BFAR: variants seen among roughly 807,000 people sequenced by gnomAD.
The protein encoded by BFAR is RING finger protein 47.
A neutral mutation model predicts 54.4 loss-of-function variants in BFAR; 52 were observed. The observed-to-expected ratio is 0.96, with a 90% CI of 0.77 to 1.21. BFAR has a LOEUF of 1.21. Among genes scored for constraint, BFAR ranks in the 50% most tolerant of loss-of-function variants. The pLI, the probability that BFAR is intolerant of heterozygous loss-of-function variation, is 0.00. For missense variants in BFAR, 571 were observed against 534.0 expected (o/e 1.07, Z -0.68); for synonymous variants, 215 against 204.3 (o/e 1.05, Z -0.45).
At position 14,649,874 on chromosome 16, in the gene BFAR, C is replaced by G; in HGVS notation, c.539C>G (p.Ala180Gly). 1 of 1,613,354 alleles carries G rather than the reference C, an allele frequency of 6.2e-7. No individual in the cohort carries two copies. The highest frequency in any genetic ancestry group is 8.5e-7 in the Non-Finnish European group (1 of 1,179,604). The change falls in exon 4 of 8, where the codon GCC becomes GGC. Residue 180 changes from alanine (A) to glycine (G), a missense_variant. Ala to Gly is a moderately conservative substitution (Grantham distance 60, BLOSUM62 0). Coordinates refer to ENST00000261658, the MANE Select transcript of BFAR (RefSeq NM_016561.3). ...EHDLLVHKAVAKWTAEEVVLW... is the reference protein window; with the variant it reads ...EHDLLVHKAVGKWTAEEVVLW... Reference sequence around the variant, plus strand: ...GACCTCCTGGTCCACAAGGCTGTGGCCAAATGGACGGCGGAAGAAGTTGTC... The same window carrying G: ...GACCTCCTGGTCCACAAGGCTGTGGGCAAATGGACGGCGGAAGAAGTTGTC...
At chr16:14,649,216 C>T (rs1039194037) in intron 3 of BFAR, among the ~76,000 whole-genome samples, 3 of 151,840 alleles carry the variant, frequency 2.0e-5, no homozygotes, top group African/African-American at 7.3e-5. Flanking sequence ...GCTGGGATTA[C>T]AGGCATGCGC....
At chr16:14,651,693 T>TG (rs1185273534) in intron 4 of BFAR, among the ~76,000 whole-genome samples, 1 of 151,904 alleles carries the variant, frequency 6.6e-6, no homozygotes, top group South Asian at 2.1e-4. Context: ...TCGCCCAGTC[T>TG]GATCTTGAAC....
chr16:14,634,964 C>T (rs1959386671), intron 1 of BFAR, among the ~76,000 whole-genome samples: 3 of 152,150 alleles, frequency 2.0e-5, no homozygotes, highest in Non-Finnish European at 4.4e-5. Context: ...TGATTTGGGT[C>T]TTTCCAGTTG....
chr16:14,661,390 A>ATTTTTT (rs1960282338), intron 5 of BFAR, among the ~76,000 whole-genome samples: 1 of 91,824 alleles, frequency 1.1e-5, no homozygotes. Flanking sequence ...TAGAGATTGG[A>ATTTTTT]TCTTTTTTTT....
At position 14,660,834 on chromosome 16, in the gene BFAR, G is replaced by T. The variant is rs1960268093; in HGVS notation, c.784-1058G>T. Among the ~76,000 whole-genome samples, 16 of 151,962 alleles carry T rather than the reference G, an allele frequency of 1.1e-4. No homozygotes were observed. The South Asian group carries it at 2.9e-3, about 28-fold the overall frequency. On this transcript the variant is annotated intron_variant, in intron 5 of 7. Coordinates refer to ENST00000261658, the MANE Select transcript of BFAR (RefSeq NM_016561.3). ...GAGAATTGCTTGAACCTGGGAGGTA[G>T]ACGTTGCAGTGAGCCAAAAATGCAC... is the stretch of plus-strand genomic sequence containing the variant.
At chr16:14,667,424 T>A (rs1960471468) in intron 7 of BFAR, 1 of 525,034 alleles carries the variant, frequency 1.9e-6, no homozygotes, top group South Asian at 3.5e-5. Context: ...TTGCCCAGTG[T>A]GGGGGCAAAG....
At chr16:14,645,901 C>T (rs1470972055) in intron 2 of BFAR, among the ~76,000 whole-genome samples, 1 of 152,158 alleles carries the variant, frequency 6.6e-6, no homozygotes, top group Non-Finnish European at 1.5e-5. Context: ...CAAAGTCTCA[C>T]TCTGTCGCTC....
rs547351837 is a variant in BFAR, at chr16:14,661,386, T to C, written c.784-506T>C. 2.7e-5 allele frequency among the ~76,000 whole-genome samples: 4 copies of C among 146,716 alleles called. No individual in the cohort carries two copies. The Admixed American group carries it at 2.9e-4, about 10-fold the overall frequency. ...CCCTCCCCCCAGCTAGAGCTAGAGA[T>C]TGGATCTTTTTTTTTTTTTTTTTTT... On this transcript the variant is annotated intron_variant, in intron 5 of 7. Coordinates refer to ENST00000261658, the MANE Select transcript of BFAR (RefSeq NM_016561.3).
chr16:14,645,953 C>G (rs1959781879), intron 2 of BFAR, among the ~76,000 whole-genome samples: 1 of 152,210 alleles, frequency 6.6e-6, no homozygotes. Context: ...ACTGCAACCT[C>G]CACCTCCTAG....
rs761682800 is a variant in BFAR at position 14,661,984 on chromosome 16, C to T, written c.876C>T (p.Thr292=). The change falls in exon 6 of 8, where the codon ACC becomes ACT. Residue 292 remains threonine, a synonymous_variant. Transcript: ENST00000261658. ...SLLYLYLFDY[T]DTFLPFIHTI... ...TCTACCTGTACCTGTTTGACTACAC[C>T]GACACCTTCCTACCTTTCATCCACA... is the stretch of plus-strand genomic sequence containing the variant. 3.7e-6 allele frequency: 6 copies of T among 1,614,158 alleles called. No individual in the cohort carries two copies. The highest frequency in any genetic ancestry group is 1.3e-5 in the African/African-American group (1 of 75,042).
intron 4 of BFAR, chr16:14,650,702 A>T (rs1288699066): frequency 6.6e-6 from 1 of 152,138 alleles, no homozygotes; most frequent in Non-Finnish European, 1.5e-5. Context: ...TAATAATTCT[A>T]CTGTAAGAGT....
chr16:14,634,385 C>T (rs1433651845), intron 1 of BFAR, among the ~76,000 whole-genome samples: 1 of 152,154 alleles, frequency 6.6e-6, no homozygotes, highest in Non-Finnish European at 1.5e-5. Flanking sequence ...CAGGGCAGTT[C>T]TTTTTGTTTG....
chr16:14,641,795 G>A (rs1959636297), intron 1 of BFAR, among the ~76,000 whole-genome samples: 1 of 152,154 alleles, frequency 6.6e-6, no homozygotes, highest in African/African-American at 2.4e-5. Context: ...CCAGGAGGTG[G>A]AGATTGCAGT....
At chr16:14,661,511 C>G (rs1236872231) in intron 5 of BFAR, among the ~76,000 whole-genome samples, 2 of 145,720 alleles carry the variant, frequency 1.4e-5, no homozygotes, top group African/African-American at 5.0e-5. Flanking sequence ...AAGCGATTCT[C>G]CAGCCTCAGC....
intron 5 of BFAR, among the ~76,000 whole-genome samples, chr16:14,658,339 C>T (rs1337551492): frequency 6.6e-6 from 1 of 152,148 alleles, no homozygotes. Context: ...TTTCTGTCCC[C>T]TTGGCTGGTG....
At chr16:14,667,022 G>A (rs1488462153) in intron 7 of BFAR, among the ~76,000 whole-genome samples, 3 of 151,998 alleles carry the variant, frequency 2.0e-5, no homozygotes, top group East Asian at 1.9e-4. Context: ...CCTGGGCAAC[G>A]TGGCAAAACC....
chr16:14,667,679 C>T lies in BFAR; in HGVS notation c.1205C>T (p.Thr402Met), dbSNP rs547915921. Residue 402 changes from threonine (T) to methionine (M), a missense_variant, in exon 8 of 8, where the codon ACG (threonine) becomes ATG (methionine). Coordinates refer to ENST00000261658, the MANE Select transcript of BFAR (RefSeq NM_016561.3). ...TGGAGCCATTTCTGGAAAGTATCAACGCAGGGGCTTTTTGTGGCCATGTTC... is the reference window on the plus strand; with the variant it reads ...TGGAGCCATTTCTGGAAAGTATCAATGCAGGGGCTTTTTGTGGCCATGTTC... ...RMWSHFWKVS[T>M]QGLFVAMFWP... 1.2e-5 allele frequency: 19 copies of T among 1,614,186 alleles called. No individual in the cohort carries two copies. Among genetic ancestry groups the T allele is most frequent in the Middle Eastern group, 1.7e-4 (1 of 6,060 alleles).
chr16:14,648,272 C>A, intron 2 of BFAR, 116 bp from the exon 3 acceptor site: 1 of 760,524 alleles, frequency 1.3e-6, no homozygotes, highest in Non-Finnish European at 2.1e-6. Context: ...CATTTCTTGT[C>A]AGTTCTCCTA....
intron 6 of BFAR, among the ~76,000 whole-genome samples, chr16:14,663,031 C>T (rs904363477): frequency 6.6e-6 from 1 of 152,200 alleles, no homozygotes; most frequent in Non-Finnish European, 1.5e-5. Context: ...TTTTACAGTG[C>T]TTTTCCATAC....
Sources: gnomAD v4.1 joint callset for allele counts (sites outside exome capture counted in the v4.1 genomes callset) on GRCh38, gnomAD v4.1.1 for gene constraint, MANE v1.5 for transcripts, NCBI Gene and HGNC (gene_info 2026-07-23, HGNC 2026-07-21) for gene names.